Variants in AR observed in about 807,000 individuals in gnomAD.
AR encodes dihydrotestosterone receptor.
In AR, 8 loss-of-function variants were observed where a neutral mutation model predicts 53.9. The observed-to-expected ratio is 0.15, with a 90% CI of 0.09 to 0.27. The LOEUF (loss-of-function observed/expected upper bound fraction) is 0.27, where lower values mean the gene tolerates loss of function less well. Ranked by LOEUF, AR falls within the 10% of genes least tolerant of loss-of-function variation. The pLI is 1.00. For missense variants in AR, 639 were observed against 742.5 expected (o/e 0.86, Z 1.62); for synonymous variants, 359 against 316.4 (o/e 1.13, Z -1.43).
At position 67,727,938 on chromosome X, in the gene AR, C is replaced by A. The variant is rs779686562; in HGVS notation, c.*4097C>A. ...GTTTCTTGGAAAAGGAAGTTTCTAC[C>A]CCTGATGCCTTTGTAGGCAGATCTG... On this transcript the variant is annotated 3_prime_UTR_variant, in exon 8 of 8. Coordinates refer to ENST00000374690, the MANE Select transcript of AR (RefSeq NM_000044.6). The A allele has an allele frequency of 1.2e-5, 2 of 173,380 alleles. No homozygotes were observed. Among genetic ancestry groups the A allele is most frequent in the South Asian group, 6.2e-4 (2 of 3,203 alleles). 14.3% of individuals were successfully genotyped at this position (173,380 alleles called of 1,213,427 possible).
chrX:67,648,883 C>G (rs1926193858), intron 2 of AR, among the ~76,000 whole-genome samples: 1 of 111,889 alleles, frequency 8.9e-6, no homozygotes, highest in African/African-American at 3.2e-5. Context: ...TATTATTTTT[C>G]AATTCATTAT....
intron 1 of AR, among the ~76,000 whole-genome samples, chrX:67,611,707 G>A (rs1923888819): frequency 9.0e-6 from 1 of 110,823 alleles, no homozygotes; most frequent in Non-Finnish European, 1.9e-5. Flanking sequence ...GAGCTAAAAG[G>A]GACCTTAGAG....
At chrX:67,632,608 G>A (rs1054377660) in intron 1 of AR, among the ~76,000 whole-genome samples, 7 of 111,889 alleles carry the variant, frequency 6.3e-5, no homozygotes, top group African/African-American at 1.9e-4. Flanking sequence ...CTTCTGCTTC[G>A]CTCATGCTGG....
intron 2 of AR, among the ~76,000 whole-genome samples, chrX:67,656,108 C>A (rs1926575977): frequency 8.9e-6 from 1 of 111,861 alleles, no homozygotes; most frequent in South Asian, 3.7e-4. Context: ...TGGGCCCTGT[C>A]CCCTAGCTAG....
intron 1 of AR, among the ~76,000 whole-genome samples, chrX:67,550,482 T>C (rs767601307): frequency 2.6e-4 from 29 of 110,267 alleles, no homozygotes; most frequent in Non-Finnish European, 2.5e-4. Context: ...TTGGTGGGAT[T>C]ATGTGAACTG....
rs192004924 is a variant in AR at position 67,682,175 on chromosome X, A to G, written c.1769-3835A>G. 1.6e-4 allele frequency among the ~76,000 whole-genome samples: 18 copies of G among 112,074 alleles called. No individual in the cohort carries two copies. In the East Asian group the frequency reaches 4.5e-3, roughly 28 times the overall value. On this transcript the variant is annotated intron_variant, in intron 2 of 7. Coordinates refer to ENST00000374690, the MANE Select transcript of AR (RefSeq NM_000044.6). ...CTCACTCTCACCACTTCTGTTTAAC[A>G]TAGTACTGGAAGTCCTAGCCAATTT...
chrX:67,546,451 G>C lies in AR; in HGVS notation c.1305G>C (p.Trp435Cys), dbSNP rs2147321256. 8.5e-7 allele frequency: 1 copy of C among 1,181,483 alleles called. No individual in the cohort carries two copies. Among genetic ancestry groups the C allele is most frequent in the Non-Finnish European group, 1.1e-6 (1 of 880,982 alleles). Residue 435 changes from tryptophan (W) to cysteine (C), a missense_variant, in exon 1 of 8, where the codon TGG becomes TGC. By Grantham distance (215) the Trp-to-Cys change is radical. This residue lies in a region of AR where 423 missense variants were observed against 377.0 expected (regional missense o/e 1.12). Coordinates refer to ENST00000374690, the MANE Select transcript of AR (RefSeq NM_000044.6). ...GSPSAAASSS[W>C]HTLFTAEEGQ... ...CCTCAGCCGCCGCTTCCTCATCCTG[G>C]CACACTCTCTTCACAGCCGAAGAAG...
At chrX:67,660,137 C>G (rs1236323202) in intron 2 of AR, among the ~76,000 whole-genome samples, 2 of 111,841 alleles carry the variant, frequency 1.8e-5, no homozygotes, top group African/African-American at 6.5e-5. Flanking sequence ...GAGTAGATTG[C>G]AAAAGTTTTC....
chrX:67,650,208 A>G (rs2147446283), intron 2 of AR, among the ~76,000 whole-genome samples: 1 of 112,261 alleles, frequency 8.9e-6, no homozygotes, highest in African/African-American at 3.2e-5. Flanking sequence ...AGAAAATACT[A>G]CTTTAAATTT....
At chrX:67,565,292 G>C (rs926809198) in intron 1 of AR, among the ~76,000 whole-genome samples, 1 of 111,988 alleles carries the variant, frequency 8.9e-6, no homozygotes, top group African/African-American at 3.3e-5. Context: ...GCCATGCCCC[G>C]GATCTATAAG....
intron 2 of AR, among the ~76,000 whole-genome samples, chrX:67,653,123 C>G (rs1458849905): frequency 8.9e-6 from 1 of 111,891 alleles, no homozygotes; most frequent in Non-Finnish European, 1.9e-5. Context: ...GAGACCTATA[C>G]CGGGCACTGG....
intron 1 of AR, chrX:67,568,920 A>G: frequency 8.3e-7 from 1 of 1,207,883 alleles, no homozygotes; most frequent in Non-Finnish European, 1.1e-6. Context: ...AAGCTGCTGG[A>G]GGCTGGCTTT....
chrX:67,695,792 C>A (rs1368876051), intron 3 of AR: 2 of 747,011 alleles, frequency 2.7e-6, no homozygotes. Context: ...CTCTCTCCCC[C>A]CCCAACACAC....
At chrX:67,569,023 G>T (rs373434994) in intron 1 of AR, 1 of 1,210,440 alleles carries the variant, frequency 8.3e-7, no homozygotes. Flanking sequence ...GGCTTCACAG[G>T]TGGGAGGTTC....
In AR at chrX:67,686,100, G is replaced by T. The variant is rs1312745277; in HGVS notation, c.1859G>T (p.Cys620Phe). The T allele has an allele frequency of 8.3e-7, 1 of 1,208,943 alleles. No homozygotes were observed. The highest frequency in any genetic ancestry group is 2.2e-5 in the Admixed American group (1 of 45,731). Residue 620 changes from cysteine to phenylalanine, a missense_variant, in exon 3 of 8, where the codon TGT becomes TTT. By Grantham distance (205) the Cys-to-Phe change is radical. Around this residue, in one of 5 missense-constraint regions of AR, gnomAD observed 19 missense variants for 48.3 expected, o/e 0.39. Coordinates refer to ENST00000374690, the MANE Select transcript of AR (RefSeq NM_000044.6). Reference protein sequence around the residue: ...KNCPSCRLRKCYEAGMTLGAR... With the variant: ...KNCPSCRLRKFYEAGMTLGAR... ...TGTCCATCTTGTCGTCTTCGGAAAT[G>T]TTATGAAGCAGGGATGACTCTGGGA... is the stretch of plus-strand genomic sequence containing the variant.
chrX:67,584,878 C>A (rs1374394189), intron 1 of AR, among the ~76,000 whole-genome samples: 2 of 111,690 alleles, frequency 1.8e-5, no homozygotes, highest in Non-Finnish European at 3.8e-5. Context: ...TAGGTCTCAG[C>A]CAACTTTGAA....
intron 1 of AR, among the ~76,000 whole-genome samples, chrX:67,571,073 G>A (rs1302764238): frequency 3.6e-5 from 4 of 110,858 alleles, no homozygotes; most frequent in Non-Finnish European, 7.6e-5. Context: ...GAGGGGTAGG[G>A]ATGAGGAAGA....
At chrX:67,655,788 T>G (rs181728949) in intron 2 of AR, among the ~76,000 whole-genome samples, 59 of 111,806 alleles carry the variant, frequency 5.3e-4, no homozygotes, top group Non-Finnish European at 9.2e-4. Flanking sequence ...TGAAATTTCC[T>G]AGCATAGTGA....
intron 2 of AR, among the ~76,000 whole-genome samples, chrX:67,662,666 C>A (rs1261359349): frequency 9.0e-6 from 1 of 111,152 alleles, no homozygotes; most frequent in Admixed American, 9.6e-5. Flanking sequence ...AATGTATATT[C>A]TGTTGATTTG....
Sources: gnomAD v4.1 joint callset for allele counts (sites outside exome capture counted in the v4.1 genomes callset) on GRCh38, gnomAD v4.1.1 for gene constraint, gnomAD v4.1.1 regional missense constraint, MANE v1.5 for transcripts, NCBI Gene and HGNC (gene_info 2026-07-23, HGNC 2026-07-21) for gene names.